TET2: variants seen among roughly 807,000 people sequenced by gnomAD.
TET2 encodes the protein tet methylcytosine dioxygenase 2.
Under a neutral mutation model 142.9 loss-of-function variants are expected in TET2, and 299 were observed. That is an observed-to-expected ratio of 2.09 (90% CI 1.90 to 2.30). The LOEUF (loss-of-function observed/expected upper bound fraction) is 2.30, where lower values mean the gene tolerates loss of function less well. Among genes scored for constraint, TET2 ranks in the 30% most tolerant of loss-of-function variants. TET2 has a pLI of 0.00. For missense variants in TET2, 2,418 were observed against 2,378.0 expected (o/e 1.02, Z -0.35); for synonymous variants, 819 against 849.0 (o/e 0.96, Z 0.61).
intron 8 of TET2, among the ~76,000 whole-genome samples, chr4:105,267,470 A>G (rs1348486657): frequency 6.6e-6 from 1 of 151,620 alleles, no homozygotes; most frequent in Non-Finnish European, 1.5e-5. Context: ...CTTATACGAT[A>G]TGTGGACTGG....
At chr4:105,205,724 C>T (rs548183315) in intron 2 of TET2, among the ~76,000 whole-genome samples, 28 of 152,172 alleles carry the variant, frequency 1.8e-4, no homozygotes, top group African/African-American at 5.8e-4. Context: ...CTCCGCCTCC[C>T]GGTTTCAAGA....
intron 6 of TET2, among the ~76,000 whole-genome samples, chr4:105,251,582 C>T (rs561307096): frequency 6.6e-6 from 1 of 151,828 alleles, no homozygotes; most frequent in Non-Finnish European, 1.5e-5. Flanking sequence ...GGAATAAATC[C>T]CACTTGGCCT....
rs1480236057 is a variant in TET2 at position 105,185,521 on chromosome 4, C to T, written c.-192-4839C>T. On this transcript the variant is annotated intron_variant, in intron 1 of 10. Transcript: ENST00000380013. ...TGAGACCAGGCGCAGTGGCTCATGC[C>T]TGTAATCCCAGCACTTTCGGAGGCC... Among the ~76,000 whole-genome samples, 7 of 152,346 alleles carry T rather than the reference C, an allele frequency of 4.6e-5. No homozygotes were observed. The East Asian group carries it at 1.3e-3, about 29-fold the overall frequency.
intron 6 of TET2, among the ~76,000 whole-genome samples, chr4:105,253,713 G>T (rs1729984410): frequency 6.6e-6 from 1 of 151,966 alleles, no homozygotes. Flanking sequence ...TACTTGCCTT[G>T]TTCCTGATCT....
intron 1 of TET2, among the ~76,000 whole-genome samples, chr4:105,163,804 TTCGAGAGAGAGAGA>T (rs1309729798): frequency 1.3e-4 from 13 of 103,348 alleles, no homozygotes; most frequent in African/African-American, 4.9e-4. Context: ...GCTCGAAAGT[TTCGAGAGAGAGAGA>T]GAGAGAGAGA....
chr4:105,249,492 C>T (rs926908881), intron 6 of TET2, among the ~76,000 whole-genome samples: 2 of 152,172 alleles, frequency 1.3e-5, no homozygotes, highest in African/African-American at 4.8e-5. Flanking sequence ...AATATGGTAA[C>T]TTTATGTTTA....
Position 105,235,554 on chromosome 4 carries a change from C to A in TET2, c.1612C>A (p.Gln538Lys), listed in dbSNP as rs2110228409. The A allele has an allele frequency of 6.2e-7, 1 of 1,614,128 alleles. No individual in the cohort carries two copies. The highest frequency in any genetic ancestry group is 8.5e-7 in the Non-Finnish European group (1 of 1,180,002). The part of the protein sequence containing the change: ...NCQQLMRNKE[Q>K]EILKGRDKEQ... ...CCAGCAGTTGATGAGAAACAAAGAG[C>A]AAGAGATTCTGAAGGGTCGAGACAA... The change falls in exon 3 of 11, where the codon CAA becomes AAA. Residue 538 changes from glutamine (Q) to lysine (K), a missense_variant. By Grantham distance (53) the Gln-to-Lys change is moderately conservative. Transcript: ENST00000380013.
In TET2 at chr4:105,235,567, A is replaced by C. The variant is rs749653927; in HGVS notation, c.1625A>C (p.Lys542Thr). ...LMRNKEQEIL[K>T]GRDKEQTRDL... Reference sequence around the variant, plus strand: ...AGAAACAAAGAGCAAGAGATTCTGAAGGGTCGAGACAAGGAGCAAACACGA... The same window carrying C: ...AGAAACAAAGAGCAAGAGATTCTGACGGGTCGAGACAAGGAGCAAACACGA... The change falls in exon 3 of 11, where the codon AAG becomes ACG. Residue 542 changes from lysine (K) to threonine (T), a missense_variant. Coordinates refer to ENST00000380013, the MANE Select transcript of TET2 (RefSeq NM_001127208.3). 5 of 1,614,072 alleles carry C rather than the reference A, an allele frequency of 3.1e-6. No individual in the cohort carries two copies. The Admixed American group carries it at 8.3e-5, about 27-fold the overall frequency.
At chr4:105,248,602 T>G (rs1274337727) in intron 6 of TET2, among the ~76,000 whole-genome samples, 1 of 152,234 alleles carries the variant, frequency 6.6e-6, no homozygotes, top group East Asian at 1.9e-4. Flanking sequence ...AGTAGCCACT[T>G]TATTAGAAAA....
intron 1 of TET2, among the ~76,000 whole-genome samples, chr4:105,188,108 A>G (rs968548583): frequency 5.3e-5 from 8 of 152,232 alleles, no homozygotes; most frequent in Admixed American, 3.3e-4. Flanking sequence ...CTAAAGGTAG[A>G]AGCAACCCAA....
intron 3 of TET2, chr4:105,240,739 C>G (rs1197751783): frequency 3.7e-6 from 4 of 1,080,048 alleles, no homozygotes; most frequent in Non-Finnish European, 4.5e-6. Flanking sequence ...TGCAACAGCC[C>G]CTTCTTTTTG....
At chr4:105,243,801 C>A (rs1348218653) in intron 6 of TET2, 23 bp downstream of exon 6, 2 of 1,544,898 alleles carry the variant, frequency 1.3e-6, no homozygotes, top group Admixed American at 3.9e-5. Flanking sequence ...CAGGGCCTCT[C>A]CCCTCTTTGC....
intron 6 of TET2, among the ~76,000 whole-genome samples, chr4:105,250,380 ATTTTTTTTTTTTT>A (rs59695275): frequency 1.8e-4 from 11 of 60,276 alleles, no homozygotes; most frequent in East Asian, 6.2e-4. Flanking sequence ...TCCTTTCTGG[ATTTTTTTTTTTTT>A]TTTTTTTTTT....
chr4:105,257,373 CTTTTT>C (rs1302743871), intron 6 of TET2, among the ~76,000 whole-genome samples: 1 of 151,954 alleles, frequency 6.6e-6, no homozygotes, highest in Non-Finnish European at 1.5e-5. Flanking sequence ...TTGTTTATTT[CTTTTT>C]AACTACTCCT....
chr4:105,150,241 G>A (rs952770983), intron 1 of TET2, among the ~76,000 whole-genome samples: 1 of 152,126 alleles, frequency 6.6e-6, no homozygotes, highest in Non-Finnish European at 1.5e-5. Context: ...GCTAGACATT[G>A]TATAATGTCA....
chr4:105,235,560 A>T lies in TET2; in HGVS notation c.1618A>T (p.Ile540Phe), dbSNP rs2110228443. The T allele has an allele frequency of 6.2e-7, 1 of 1,614,156 alleles. No individual in the cohort carries two copies. Among genetic ancestry groups the T allele is most frequent in the East Asian group, 2.2e-5 (1 of 44,882 alleles). The change falls in exon 3 of 11, where the codon ATT (isoleucine) becomes TTT (phenylalanine). Residue 540 changes from isoleucine to phenylalanine, a missense_variant. By Grantham distance (21) the Ile-to-Phe change is conservative. Transcript: ENST00000380013. Reference protein sequence around the residue: ...QQLMRNKEQEILKGRDKEQTR... With the variant: ...QQLMRNKEQEFLKGRDKEQTR... ...GTTGATGAGAAACAAAGAGCAAGAG[A>T]TTCTGAAGGGTCGAGACAAGGAGCA...
intron 1 of TET2, among the ~76,000 whole-genome samples, chr4:105,185,066 G>A (rs1725346037): frequency 6.6e-6 from 1 of 152,178 alleles, no homozygotes; most frequent in Admixed American, 6.5e-5. Context: ...TCTCTTGAAA[G>A]GAAAATGCAT....
chr4:105,275,225 G>C lies in TET2; in HGVS notation c.4715G>C (p.Arg1572Pro). The change falls in exon 11 of 11, where the codon CGG becomes CCG. Residue 1572 changes from arginine to proline, a missense_variant. Arg to Pro is a moderately radical substitution (Grantham distance 103). Coordinates refer to ENST00000380013, the MANE Select transcript of TET2 (RefSeq NM_001127208.3). Reference sequence around the variant, plus strand: ...GGATCCACCAATCCATACATGAGACGGCCCAATCCAGTTAGTCCTTATCCA... The same window carrying C: ...GGATCCACCAATCCATACATGAGACCGCCCAATCCAGTTAGTCCTTATCCA... ...ASGSTNPYMR[R>P]PNPVSPYPNS... 1.9e-6 allele frequency: 3 copies of C among 1,552,144 alleles called. No homozygotes were observed. Among genetic ancestry groups the C allele is most frequent in the Non-Finnish European group, 2.6e-6 (3 of 1,147,082 alleles).
At chr4:105,175,340 G>A (rs1724723075) in intron 1 of TET2, among the ~76,000 whole-genome samples, 1 of 151,980 alleles carries the variant, frequency 6.6e-6, no homozygotes, top group Non-Finnish European at 1.5e-5. Context: ...TGACATACAA[G>A]AACAGATGGA....
Sources: gnomAD v4.1 joint callset for allele counts (sites outside exome capture counted in the v4.1 genomes callset) on GRCh38, gnomAD v4.1.1 for gene constraint, MANE v1.5 for transcripts, NCBI Gene and HGNC (gene_info 2026-07-23, HGNC 2026-07-21) for gene names.